Variants in COL15A1 observed in about 807,000 individuals in gnomAD.
COL15A1 encodes collagen type XV alpha 1 chain.
In COL15A1, 111 loss-of-function variants were observed where a neutral mutation model predicts 165.9. That is an observed-to-expected ratio of 0.67 (90% CI 0.57 to 0.78). COL15A1 has a LOEUF of 0.78. Ranked by LOEUF, COL15A1 falls within the 30% of genes least tolerant of loss-of-function variation. COL15A1 has a pLI of 0.00. For missense variants in COL15A1, 1,745 were observed against 1,789.7 expected (o/e 0.98, Z 0.45); for synonymous variants, 659 against 674.8 (o/e 0.98, Z 0.36).
intron 16 of COL15A1, among the ~76,000 whole-genome samples, chr9:99,027,097 G>T (rs1027544610): frequency 1.3e-5 from 2 of 152,218 alleles, no homozygotes; most frequent in African/African-American, 4.8e-5. Context: ...GTATGTGTAG[G>T]GGGTGCTTTC....
chr9:99,032,742 C>T (rs1450050637), intron 16 of COL15A1, among the ~76,000 whole-genome samples: 3 of 152,114 alleles, frequency 2.0e-5, no homozygotes, highest in Non-Finnish European at 4.4e-5. Context: ...TCTTGTGTTG[C>T]TTTCTGGGAG....
intron 5 of COL15A1, among the ~76,000 whole-genome samples, chr9:98,993,819 C>T (rs1014306409): frequency 1.3e-4 from 20 of 152,146 alleles, no homozygotes; most frequent in African/African-American, 4.3e-4. Context: ...AGTCCCCGCC[C>T]GCCCCTTGTC....
In COL15A1 at chr9:98,985,879, A is replaced by G; in HGVS notation, c.415A>G (p.Thr139Ala). The part of the protein sequence containing the change: ...DGHQRIILYY[T>A]EPGSHVSQEA... The stretch of plus-strand genomic sequence containing the variant: ...CCACCAGCGGATCATCCTCTACTAC[A>G]CGGAGCCAGGCTCCCATGTGTCCCA... The change falls in exon 3 of 42, where the codon ACG becomes GCG. Residue 139 changes from threonine (T) to alanine (A), a missense_variant. Coordinates refer to ENST00000375001, the MANE Select transcript of COL15A1 (RefSeq NM_001855.5). 1 of 1,612,616 alleles carries G rather than the reference A, an allele frequency of 6.2e-7. No homozygotes were observed. Among genetic ancestry groups the G allele is most frequent in the South Asian group, 1.1e-5 (1 of 91,024 alleles).
chr9:98,960,942 A>G (rs1342160638), intron 2 of COL15A1, among the ~76,000 whole-genome samples: 3 of 152,252 alleles, frequency 2.0e-5, no homozygotes, highest in African/African-American at 7.2e-5. Flanking sequence ...GGCCAGGACC[A>G]AGTCATTTGT....
chr9:98,947,821 G>T (rs1310507199), intron 2 of COL15A1, among the ~76,000 whole-genome samples: 3 of 152,142 alleles, frequency 2.0e-5, no homozygotes, highest in African/African-American at 7.2e-5. Context: ...GTTTTTTGCA[G>T]GTAGTTGATC....
In COL15A1 at chr9:98,989,228, C is replaced by G. The variant is rs141627451; in HGVS notation, c.774C>G (p.Ile258Met). The part of the protein sequence containing the change: ...GLQEADGVAE[I>M]LEAVTYTQAS... Reference sequence around the variant, plus strand: ...AGGAGGCAGACGGAGTAGCTGAGATCTTAGAAGCCGTCACCTACACTCAAG... The same window carrying G: ...AGGAGGCAGACGGAGTAGCTGAGATGTTAGAAGCCGTCACCTACACTCAAG... The change falls in exon 5 of 42, where the codon ATC becomes ATG. Residue 258 changes from isoleucine to methionine, a missense_variant. Transcript: ENST00000375001. The G allele has an allele frequency of 3.0e-4, 485 of 1,614,108 alleles. No individual in the cohort carries two copies. The highest frequency in any genetic ancestry group is 3.7e-4 in the Non-Finnish European group (432 of 1,179,972).
Position 99,067,023 on chromosome 9 carries a change from G to T in COL15A1, c.3793G>T (p.Val1265Leu). The T allele has an allele frequency of 6.2e-7, 1 of 1,614,142 alleles. No individual in the cohort carries two copies. Among genetic ancestry groups the T allele is most frequent in the South Asian group, 1.1e-5 (1 of 91,078 alleles). The change falls in exon 40 of 42, where the codon GTG (valine) becomes TTG (leucine). Residue 1265 changes from valine (V) to leucine (L), a missense_variant. By Grantham distance (32) the Val-to-Leu change is conservative (BLOSUM62 1). Coordinates refer to ENST00000375001, the MANE Select transcript of COL15A1 (RefSeq NM_001855.5). ...SSHLQDLSTI[V>L]RKAERYSLPI... ...CCATTTGCAAGATCTGTCCACCATT[G>T]TGAGGAAAGCAGAGAGATACAGCCT...
chr9:98,992,073 G>T (rs557462152), intron 5 of COL15A1, among the ~76,000 whole-genome samples: 3 of 152,260 alleles, frequency 2.0e-5, no homozygotes, highest in Non-Finnish European at 4.4e-5. Context: ...GATCCCGCAC[G>T]AGGGCAGCAG....
At chr9:99,049,649 A>AC in intron 28 of COL15A1, 41 bp from the exon 29 acceptor site, 1 of 1,610,844 alleles carries the variant, frequency 6.2e-7, no homozygotes. Context: ...TGCATTCACA[A>AC]CAACCTGAAC....
intron 9 of COL15A1, among the ~76,000 whole-genome samples, chr9:99,005,424 G>C (rs1838744176): frequency 6.6e-6 from 1 of 152,118 alleles, no homozygotes; most frequent in Admixed American, 6.5e-5. Flanking sequence ...GGCACGGCCA[G>C]GCCTTCCTAG....
intron 2 of COL15A1, among the ~76,000 whole-genome samples, chr9:98,984,758 A>G (rs1348435366): frequency 6.6e-6 from 1 of 151,992 alleles, no homozygotes; most frequent in African/African-American, 2.4e-5. Flanking sequence ...TAAACAATAG[A>G]CCTCATTCAA....
rs1839093810 is a variant in COL15A1, at chr9:99,024,886, C to T, written c.1867C>T (p.Pro623Ser). 3 of 1,613,538 alleles carry T rather than the reference C, an allele frequency of 1.9e-6. No homozygotes were observed. The highest frequency in any genetic ancestry group is 2.2e-5 in the East Asian group (1 of 44,894). Residue 623 changes from proline (P) to serine (S), a missense_variant, in exon 15 of 42, where the codon CCC becomes TCC. By Grantham distance (74) the Pro-to-Ser change is moderately conservative (BLOSUM62 -1). Coordinates refer to ENST00000375001, the MANE Select transcript of COL15A1 (RefSeq NM_001855.5). Reference sequence around the variant, plus strand: ...TTTGTGTTTTTAGGGTCCTCCAGGACCCCCAGGGCCACCTGGCTTACCTGG... The same window carrying T: ...TTTGTGTTTTTAGGGTCCTCCAGGATCCCCAGGGCCACCTGGCTTACCTGG... ...SEQLLRGPPG[P>S]PGPPGLPGIP... is the part of the protein sequence containing the mutation.
At chr9:98,986,304 T>C in intron 3 of COL15A1, 192 bp downstream of exon 3, 3 of 572,696 alleles carry the variant, frequency 5.2e-6, no homozygotes, top group Non-Finnish European at 9.2e-6. Flanking sequence ...CAACTTACCT[T>C]GTAAATTTGA....
chr9:98,949,894 T>G (rs1837651029), intron 2 of COL15A1, among the ~76,000 whole-genome samples: 1 of 152,256 alleles, frequency 6.6e-6, no homozygotes, highest in African/African-American at 2.4e-5. Context: ...TCTGCCTCTA[T>G]GGACTTGCCT....
chr9:98,949,274 T>A (rs1837639907), intron 2 of COL15A1, among the ~76,000 whole-genome samples: 1 of 152,278 alleles, frequency 6.6e-6, no homozygotes, highest in African/African-American at 2.4e-5. Flanking sequence ...TAGCATATGT[T>A]ACTTATCCAT....
At chr9:99,053,274 T>A (rs1040020078) in intron 31 of COL15A1, among the ~76,000 whole-genome samples, 2 of 152,228 alleles carry the variant, frequency 1.3e-5, no homozygotes, top group African/African-American at 4.8e-5. Context: ...CACGAGGTGG[T>A]GGTCTCCCTG....
chr9:99,000,059 T>A (rs963721152), intron 6 of COL15A1, among the ~76,000 whole-genome samples: 5 of 152,032 alleles, frequency 3.3e-5, no homozygotes, highest in African/African-American at 1.2e-4. Flanking sequence ...TTAGTAGAGA[T>A]GGGGTTTCAC....
At chr9:98,958,068 C>T (rs529264016) in intron 2 of COL15A1, among the ~76,000 whole-genome samples, 111 of 152,316 alleles carry the variant, frequency 7.3e-4, no homozygotes, top group African/African-American at 2.2e-3. Context: ...CCACCAGCCA[C>T]GGAGGAGCCC....
intron 8 of COL15A1, among the ~76,000 whole-genome samples, chr9:99,004,253 C>T (rs1384865453): frequency 6.6e-6 from 1 of 152,072 alleles, no homozygotes; most frequent in African/African-American, 2.4e-5. Flanking sequence ...GGTGGGGAAG[C>T]AAACTTGGAG....
Sources: allele counts gnomAD v4.1 joint callset (sites outside exome capture counted in the v4.1 genomes callset), GRCh38; gene constraint gnomAD v4.1.1; transcripts MANE v1.5; gene names NCBI Gene and HGNC (gene_info 2026-07-23, HGNC 2026-07-21).